DSE: variants seen among roughly 807,000 people sequenced by gnomAD.
DSE encodes the protein dermatan sulfate epimerase.
In DSE, 36 loss-of-function variants were observed where a neutral mutation model predicts 84.4. The ratio of observed to expected loss-of-function variants is 0.43; its 90% CI spans 0.33 to 0.56. The LOEUF (loss-of-function observed/expected upper bound fraction) is 0.56, where lower values mean the gene tolerates loss of function less well. Ranked by LOEUF, DSE falls within the 20% of genes least tolerant of loss-of-function variation. The probability of loss-of-function intolerance (pLI) is 0.06; values close to 1 mark genes in which losing one functional copy is unlikely to be tolerated. For missense variants in DSE, 862 were observed against 1,169.6 expected (o/e 0.74, Z 3.84); for synonymous variants, 410 against 430.1 (o/e 0.95, Z 0.58).
At chr6:116,378,238 G>C (rs1273985450) in intron 1 of DSE, among the ~76,000 whole-genome samples, 1 of 152,194 alleles carries the variant, frequency 6.6e-6, no homozygotes, top group African/African-American at 2.4e-5. Context: ...CTTTAGGATG[G>C]ATTTCTGAAA....
Position 116,399,318 on chromosome 6 carries a change from A to G in DSE, c.68A>G (p.Tyr23Cys), listed in dbSNP as rs140339574. The G allele has an allele frequency of 7.9e-5, 127 of 1,613,992 alleles. No individual in the cohort carries two copies. Among genetic ancestry groups the G allele is most frequent in the African/African-American group, 2.3e-4 (17 of 74,936 alleles). ...TATTTGCTTTGCTTTGTGTCAGCCTACATCACCGACGAGAACCCAGAAGTT... is the reference window on the plus strand; with the variant it reads ...TATTTGCTTTGCTTTGTGTCAGCCTGCATCACCGACGAGAACCCAGAAGTT... ...FIYLLCFVSA[Y>C]ITDENPEVMI... The change falls in exon 2 of 6, where the codon TAC becomes TGC. Residue 23 changes from tyrosine to cysteine, a missense_variant. Transcript: ENST00000644252.
Position 116,436,965 on chromosome 6 carries a change from G to A in DSE, c.2497G>A (p.Glu833Lys). ...PDIFAQIEVN[E>K]KKIRQKAQIL... ...TATTTTTGCACAGATTGAAGTCAAT[G>A]AGAAAAAGATTAGACAGAAAGCTCA... The change falls in exon 6 of 6, where the codon GAG (glutamate) becomes AAG (lysine). Residue 833 changes from glutamate to lysine, a missense_variant. Physicochemically the swap from Glu to Lys is moderately conservative, Grantham distance 56. Around this residue, in one of 4 missense-constraint regions of DSE, gnomAD observed 315 missense variants for 348.1 expected, o/e 0.90. Coordinates refer to ENST00000644252, the MANE Select transcript of DSE (RefSeq NM_013352.4). 1 of 1,613,994 alleles carries A rather than the reference G, an allele frequency of 6.2e-7. No homozygotes were observed. The highest frequency in any genetic ancestry group is 8.5e-7 in the Non-Finnish European group (1 of 1,179,984).
At chr6:116,370,210 C>A (rs1039009217), upstream of DSE, 97 of 253,058 alleles carry the variant, frequency 3.8e-4, no homozygotes, top group Admixed American at 1.3e-3. Flanking sequence ...CACACACACA[C>A]CCCCCCACCG....
chr6:116,394,157 T>C (rs966771255), intron 1 of DSE, among the ~76,000 whole-genome samples: 3 of 152,216 alleles, frequency 2.0e-5, no homozygotes, highest in Non-Finnish European at 4.4e-5. Context: ...TATTAAGTTA[T>C]TGAAGAGTAA....
chr6:116,390,302 C>G (rs187122942), intron 1 of DSE, among the ~76,000 whole-genome samples: 4 of 152,224 alleles, frequency 2.6e-5, no homozygotes, highest in African/African-American at 2.4e-5. Flanking sequence ...CTCCTGGGCT[C>G]AAGTGCTGCA....
intron 2 of DSE, among the ~76,000 whole-genome samples, chr6:116,280,695 GTC>G (rs1370102976): frequency 1.3e-5 from 2 of 152,216 alleles, no homozygotes; most frequent in Admixed American, 1.3e-4. Context: ...GGATGTCAAT[GTC>G]TCTGGTTGAA....
chr6:116,415,599 CT>C (rs577156045), intron 2 of DSE, among the ~76,000 whole-genome samples: 340 of 132,356 alleles, frequency 2.6e-3, no homozygotes, highest in African/African-American at 6.3e-3. Flanking sequence ...GGCCAGTCCT[CT>C]TTTTTTTTTT....
intron 2 of DSE, among the ~76,000 whole-genome samples, chr6:116,362,302 G>A (rs1003386340): frequency 1.3e-5 from 2 of 152,198 alleles, no homozygotes; most frequent in African/African-American, 2.4e-5. Flanking sequence ...CTCACCCCTA[G>A]AGAATCTAAT....
At chr6:116,384,784 T>C (rs1019927640) in intron 1 of DSE, among the ~76,000 whole-genome samples, 1 of 152,244 alleles carries the variant, frequency 6.6e-6, no homozygotes, top group East Asian at 1.9e-4. Flanking sequence ...TACACTTTTA[T>C]GTGCTGGAGA....
chr6:116,390,137 G>A (rs117499911), intron 1 of DSE, among the ~76,000 whole-genome samples: 8,473 of 151,454 alleles, frequency 0.056, 326 homozygotes, highest in Non-Finnish European at 0.087. Flanking sequence ...GGGTGATCTT[G>A]GCTCACTGCA....
chr6:116,342,621 A>G (rs1777679188), intron 2 of DSE, among the ~76,000 whole-genome samples: 1 of 152,220 alleles, frequency 6.6e-6, no homozygotes, highest in Non-Finnish European at 1.5e-5. Context: ...CAAAATTTGT[A>G]AAAACCTTTT....
intron 2 of DSE, among the ~76,000 whole-genome samples, chr6:116,290,727 C>T (rs1258925468): frequency 6.6e-6 from 1 of 152,100 alleles, no homozygotes; most frequent in Non-Finnish European, 1.5e-5. Context: ...GCATCCTTCC[C>T]ACTTAGTATA....
intron 2 of DSE, among the ~76,000 whole-genome samples, chr6:116,316,302 A>G (rs1775975200): frequency 6.6e-6 from 1 of 152,100 alleles, no homozygotes; most frequent in South Asian, 2.1e-4. Flanking sequence ...GAGTTCATGG[A>G]TCTTTCTATA....
At chr6:116,316,833 T>TATTATTATTATA (rs1776011840) in intron 2 of DSE, among the ~76,000 whole-genome samples, 1 of 150,380 alleles carries the variant, frequency 6.6e-6, no homozygotes, top group South Asian at 2.1e-4. Context: ...CTACTATTAT[T>TATTATTATTATA]ATTATTATTA....
At position 116,399,336 on chromosome 6, in the gene DSE, C is replaced by T. The variant is rs367928011; in HGVS notation, c.86C>T (p.Pro29Leu). The change falls in exon 2 of 6, where the codon CCA becomes CTA. Residue 29 changes from proline to leucine, a missense_variant. Physicochemically the swap from Pro to Leu is moderately conservative, Grantham distance 98. Around this residue, in one of 4 missense-constraint regions of DSE, gnomAD observed 52 missense variants for 49.6 expected, o/e 1.05. Transcript: ENST00000644252. ...FVSAYITDENPEVMIPFTNAN... is the reference protein window; with the variant it reads ...FVSAYITDENLEVMIPFTNAN... The stretch of plus-strand genomic sequence containing the variant: ...TCAGCCTACATCACCGACGAGAACC[C>T]AGAAGTTATGATTCCCTTCACCAAT... 6 of 1,613,952 alleles carry T rather than the reference C, an allele frequency of 3.7e-6. No homozygotes were observed. The African/African-American group carries it at 6.7e-5, about 18-fold the overall frequency.
intron 2 of DSE, among the ~76,000 whole-genome samples, chr6:116,410,595 G>A (rs1782263286): frequency 6.6e-6 from 1 of 151,900 alleles, no homozygotes; most frequent in Non-Finnish European, 1.5e-5. Flanking sequence ...TTAGCTGGGT[G>A]TGGTGACACA....
intron 2 of DSE, among the ~76,000 whole-genome samples, chr6:116,294,530 C>G (rs1289252593): frequency 6.6e-6 from 1 of 151,338 alleles, no homozygotes; most frequent in African/African-American, 2.4e-5. Context: ...GAGGTCAAGC[C>G]AGGTTAATAG....
chr6:116,323,259 T>C (rs1332413139), intron 2 of DSE, among the ~76,000 whole-genome samples: 2 of 152,228 alleles, frequency 1.3e-5, no homozygotes, highest in African/African-American at 4.8e-5. Context: ...TGTCATGTCA[T>C]TTACCTTGTA....
chr6:116,357,215 C>A (rs932934819), intron 2 of DSE, among the ~76,000 whole-genome samples: 2 of 152,284 alleles, frequency 1.3e-5, no homozygotes, highest in East Asian at 3.9e-4. Context: ...GAGCCCCTCC[C>A]TGGCTCATGC....
Sources: allele counts gnomAD v4.1 joint callset (sites outside exome capture counted in the v4.1 genomes callset), GRCh38; gene constraint gnomAD v4.1.1; regional missense constraint gnomAD v4.1.1; transcripts MANE v1.5; gene names NCBI Gene and HGNC (gene_info 2026-07-23, HGNC 2026-07-21).